Variants in TRIM36 observed in about 807,000 individuals in gnomAD.
TRIM36 encodes tripartite motif containing 36, also known as E3 ubiquitin-protein ligase TRIM36.
A neutral mutation model predicts 72.4 loss-of-function variants in TRIM36; 42 were observed. The ratio of observed to expected loss-of-function variants is 0.58; its 90% CI spans 0.45 to 0.75. The LOEUF (loss-of-function observed/expected upper bound fraction) is 0.75. TRIM36 is among the 30% of genes least tolerant of loss of function. The pLI, the probability that TRIM36 is intolerant of heterozygous loss-of-function variation, is 0.00. For missense variants in TRIM36, 913 were observed against 857.1 expected (o/e 1.07, Z -0.81); for synonymous variants, 315 against 282.8 (o/e 1.11, Z -1.14).
chr5:115,154,449 T>C (rs1018278534), intron 2 of TRIM36, among the ~76,000 whole-genome samples: 1 of 150,222 alleles, frequency 6.7e-6, no homozygotes, highest in African/African-American at 2.4e-5. Flanking sequence ...ATTAGCAAAA[T>C]TAACTAAGAA....
chr5:115,126,722 T>C lies in TRIM36; in HGVS notation c.1932A>G (p.Glu644=). 1 of 1,614,180 alleles carries C rather than the reference T, an allele frequency of 6.2e-7. No individual in the cohort carries two copies. The highest frequency in any genetic ancestry group is 1.1e-5 in the South Asian group (1 of 91,084). Residue 644 remains glutamate (E), a synonymous_variant, in exon 10 of 10, where the codon GAA becomes GAG. Coordinates refer to ENST00000513154, the MANE Select transcript of TRIM36 (RefSeq NM_001300759.2). The part of the protein sequence containing the change: ...PKSPTSSNEP[E]NRVLPMPTSI... The stretch of plus-strand genomic sequence containing the variant: ...TTGTTGGCATAGGGAGAACTCTATT[T>C]TCAGGTTCATTAGAAGAAGTAGGTG...
chr5:115,126,921 C>T, intron 9 of TRIM36, 64 bp from the exon 10 acceptor site: 1 of 1,451,418 alleles, frequency 6.9e-7, no homozygotes, highest in Non-Finnish European at 9.3e-7. Context: ...AAAACATTTT[C>T]ACAGGATAAT....
At chr5:115,179,738 C>T (rs548611251) in intron 1 of TRIM36, among the ~76,000 whole-genome samples, 1 of 152,250 alleles carries the variant, frequency 6.6e-6, no homozygotes, top group Non-Finnish European at 1.5e-5. Flanking sequence ...GCCCAGCTGG[C>T]CCCAAAAGCG....
chr5:115,149,725 A>C (rs1481733149), intron 2 of TRIM36: 3 of 150,742 alleles, frequency 2.0e-5, no homozygotes, highest in African/African-American at 7.3e-5. Context: ...AACTCGTCCA[A>C]ATAGATATCT....
At chr5:115,172,942 G>A (rs1755179672), upstream of TRIM36, among the ~76,000 whole-genome samples, 2 of 152,134 alleles carry the variant, frequency 1.3e-5, no homozygotes, top group Admixed American at 1.3e-4. Context: ...CATCTTATAT[G>A]TACATGTTAT....
At chr5:115,171,478 T>C (rs1477582154), upstream of TRIM36, among the ~76,000 whole-genome samples, 1 of 152,222 alleles carries the variant, frequency 6.6e-6, no homozygotes, top group Non-Finnish European at 1.5e-5. Flanking sequence ...GGTGCCTATA[T>C]ATATATACAT....
chr5:115,179,949 G>A (rs1220770283), intron 1 of TRIM36: 4 of 1,611,502 alleles, frequency 2.5e-6, no homozygotes, highest in East Asian at 4.5e-5. Flanking sequence ...GGCCCAGGCC[G>A]CGGCGCCCCG....
intron 2 of TRIM36, among the ~76,000 whole-genome samples, chr5:115,163,316 C>T (rs1754584047): frequency 6.6e-6 from 1 of 152,190 alleles, no homozygotes; most frequent in South Asian, 2.1e-4. Context: ...CCAATATCTA[C>T]TTCAAGTATG....
At chr5:115,180,091 CCTTT>C in exon 1 of TRIM36, 2 of 1,548,562 alleles carry the variant, frequency 1.3e-6, no homozygotes, top group South Asian at 1.1e-5. Context: ...TCGAATTTGT[CCTTT>C]CTTTTCTCTT....
chr5:115,152,444 T>G (rs921080847), intron 2 of TRIM36, among the ~76,000 whole-genome samples: 1 of 152,138 alleles, frequency 6.6e-6, no homozygotes, highest in African/African-American at 2.4e-5. Context: ...TTGGAAAACA[T>G]ATTTGGGGGA....
chr5:115,174,580 A>G (rs768241503), upstream of TRIM36, among the ~76,000 whole-genome samples: 1 of 152,138 alleles, frequency 6.6e-6, no homozygotes, highest in South Asian at 2.1e-4. Context: ...AAGTCAGGGG[A>G]GAGGAGTCCA....
intron 7 of TRIM36, among the ~76,000 whole-genome samples, chr5:115,134,644 G>A (rs1752869836): frequency 6.6e-6 from 1 of 151,996 alleles, no homozygotes. Context: ...AGGTTCAAGT[G>A]ATTCTCCCGC....
chr5:115,163,824 T>C, intron 1 of TRIM36, 72 bp from the exon 2 acceptor site: 1 of 1,098,158 alleles, frequency 9.1e-7, no homozygotes. Context: ...ACCTCCTGAA[T>C]AAGTACATGT....
In TRIM36 at chr5:115,137,506, T is replaced by C. The variant is rs762655254; in HGVS notation, c.942A>G (p.Lys314=). The C allele has an allele frequency of 6.2e-7, 1 of 1,614,162 alleles. No homozygotes were observed. Among genetic ancestry groups the C allele is most frequent in the Non-Finnish European group, 8.5e-7 (1 of 1,180,012 alleles). ...SVLKAIDSSK[K]LRLDKFQTQM... is the part of the protein sequence containing the mutation. ...GAGTCTGAAATTTGTCTAATCTTAG[T>C]TTCTTAGAGGAGTCAATTGCTTTCA... The change falls in exon 6 of 10, where the codon AAA becomes AAG. Residue 314 remains lysine (K), a synonymous_variant. Coordinates refer to ENST00000513154, the MANE Select transcript of TRIM36 (RefSeq NM_001300759.2).
chr5:115,126,482 G>A lies in TRIM36; in HGVS notation c.*21C>T, dbSNP rs763441687. On this transcript the variant is annotated 3_prime_UTR_variant, in exon 10 of 10. Transcript: ENST00000513154. ...TTGCTTTGTTTACAGTTTTTATCCT[G>A]AGTCACATCAGATGTTTCAACTACA... The A allele has an allele frequency of 3.2e-6, 5 of 1,582,108 alleles. No homozygotes were observed. The highest frequency in any genetic ancestry group is 1.7e-4 in the Middle Eastern group (1 of 5,972).
intron 1 of TRIM36, among the ~76,000 whole-genome samples, chr5:115,175,379 T>G (rs1165790075): frequency 6.6e-6 from 1 of 152,174 alleles, no homozygotes; most frequent in Non-Finnish European, 1.5e-5. Flanking sequence ...ATTTAACCCT[T>G]GCAGTAACCC....
In TRIM36 at chr5:115,169,900, G is replaced by A; in HGVS notation, c.-266C>T. 2.3e-6 allele frequency: 3 copies of A among 1,293,724 alleles called. No homozygotes were observed. In the South Asian group the frequency reaches 6.7e-5, roughly 29 times the overall value. 80.1% of individuals were successfully genotyped at this position (1,293,724 alleles called of 1,614,324 possible). On this transcript the variant is annotated 5_prime_UTR_variant, in exon 1 of 10. Transcript: ENST00000513154. ...GCTGCCGGCTGCAGCAGCGGCTCCTGCGGACTGCGGCTGGGAACGGCGCCG... is the reference window on the plus strand; with the variant it reads ...GCTGCCGGCTGCAGCAGCGGCTCCTACGGACTGCGGCTGGGAACGGCGCCG...
intron 2 of TRIM36, chr5:115,148,232 T>C (rs1437793085): frequency 1.5e-6 from 1 of 678,828 alleles, no homozygotes; most frequent in Non-Finnish European, 1.8e-6. Context: ...CTACAAATAA[T>C]TTTACAACAT....
chr5:115,178,257 A>G (rs996310324), intron 1 of TRIM36, among the ~76,000 whole-genome samples: 1 of 152,212 alleles, frequency 6.6e-6, no homozygotes, highest in African/African-American at 2.4e-5. Flanking sequence ...AAATTCACCT[A>G]TCGATCATCC....
Sources: gnomAD v4.1 joint callset for allele counts (sites outside exome capture counted in the v4.1 genomes callset) on GRCh38, gnomAD v4.1.1 for gene constraint, MANE v1.5 for transcripts, NCBI Gene and HGNC (gene_info 2026-07-23, HGNC 2026-07-21) for gene names.